ZDHHC14: variants seen among roughly 807,000 people sequenced by gnomAD.
The protein encoded by ZDHHC14 is zDHHC palmitoyltransferase 14.
In ZDHHC14, 16 loss-of-function variants were observed where a neutral mutation model predicts 47.7. That is an observed-to-expected ratio of 0.34 (90% CI 0.23 to 0.51). The LOEUF is 0.51. Ranked by LOEUF, ZDHHC14 falls within the 20% of genes least tolerant of loss-of-function variation. ZDHHC14 has a pLI of 0.97. For missense variants in ZDHHC14, 515 were observed against 662.5 expected, an observed-to-expected ratio of 0.78 and a Z score of 2.44; for synonymous variants, 293 against 278.9, an observed-to-expected ratio of 1.05 and a Z score of -0.50.
intron 2 of ZDHHC14, among the ~76,000 whole-genome samples, chr6:157,576,211 C>T (rs998660774): frequency 6.6e-6 from 1 of 152,164 alleles, no homozygotes; most frequent in Non-Finnish European, 1.5e-5. Flanking sequence ...GACTGGGGGC[C>T]TTGCCTTTTC....
intron 2 of ZDHHC14, among the ~76,000 whole-genome samples, chr6:157,568,703 T>C (rs896530114): frequency 1.3e-5 from 2 of 152,180 alleles, no homozygotes; most frequent in African/African-American, 4.8e-5. Context: ...GATATACAAC[T>C]AACTTGTTCC....
chr6:157,597,121 T>C (rs2114900428), intron 3 of ZDHHC14, among the ~76,000 whole-genome samples: 1 of 152,312 alleles, frequency 6.6e-6, no homozygotes, highest in South Asian at 2.1e-4. Context: ...CATTTCGGGT[T>C]GTTTATTTAT....
At chr6:157,631,947 A>T (rs1785759547) in intron 4 of ZDHHC14, 1 of 152,264 alleles carries the variant, frequency 6.6e-6, no homozygotes. Context: ...CCGTGGGCAC[A>T]GAGGGAAAGG....
At chr6:157,638,538 G>A (rs1053835035) in intron 5 of ZDHHC14, among the ~76,000 whole-genome samples, 20 of 152,130 alleles carry the variant, frequency 1.3e-4, no homozygotes, top group African/African-American at 4.6e-4. Context: ...ACACAGCCAG[G>A]CATGTTCAAA....
At chr6:157,442,823 C>A (rs1430926616) in intron 1 of ZDHHC14, among the ~76,000 whole-genome samples, 1 of 152,176 alleles carries the variant, frequency 6.6e-6, no homozygotes, top group Non-Finnish European at 1.5e-5. Context: ...TTGCAGCACC[C>A]CTGGTGGATT....
rs750975822 is a variant in ZDHHC14, at chr6:157,458,849, A to ATTTTTTTTTTTTTTTTTTTTT, written c.245+76585_245+76605dup. Among the ~76,000 whole-genome samples, 425 of 81,186 alleles carry ATTTTTTTTTTTTTTTTTTTTT rather than the reference A, an allele frequency of 5.2e-3. 71 individuals carry two copies. Among genetic ancestry groups the ATTTTTTTTTTTTTTTTTTTTT allele is most frequent in the Non-Finnish European group, 7.3e-3 (320 of 43,628 alleles). The allele number at this position is 81,186 out of a possible 152,430, so 53.3% of individuals were successfully genotyped here. A position where few individuals can be genotyped will look rare whatever the true frequency, so the allele number is the denominator to read the frequency against. On this transcript the variant is annotated intron_variant, in intron 1 of 8. Coordinates refer to ENST00000359775, the MANE Select transcript of ZDHHC14 (RefSeq NM_024630.3). ...TACAGGTACTAGCAAATGTGGGTGG[A>ATTTTTTTTTTTTTTTTTTTTT]TTTTTTTTTTTTTTTTTTTTTTGAG...
intron 1 of ZDHHC14, among the ~76,000 whole-genome samples, chr6:157,539,796 G>A (rs1781679190): frequency 6.6e-6 from 1 of 152,030 alleles, no homozygotes; most frequent in Admixed American, 6.5e-5. Context: ...CTGGCGAGCT[G>A]GGGTAGTGGA....
intron 3 of ZDHHC14, among the ~76,000 whole-genome samples, chr6:157,607,237 T>C (rs947831789): frequency 6.6e-6 from 1 of 152,196 alleles, no homozygotes; most frequent in African/African-American, 2.4e-5. Context: ...TGGTTCACTC[T>C]TGTTGAGGCT....
At chr6:157,534,078 T>A (rs148584478) in intron 1 of ZDHHC14, among the ~76,000 whole-genome samples, 4 of 152,182 alleles carry the variant, frequency 2.6e-5, no homozygotes, top group Non-Finnish European at 5.9e-5. Flanking sequence ...GACTTTCCTA[T>A]ACAGAGTTTC....
chr6:157,382,196 C>G lies in ZDHHC14; in HGVS notation c.175C>G (p.Arg59Gly). 1 of 1,613,678 alleles carries G rather than the reference C, an allele frequency of 6.2e-7. No homozygotes were observed. Among genetic ancestry groups the G allele is most frequent in the Non-Finnish European group, 8.5e-7 (1 of 1,179,872 alleles). ...FFCNGRIMMA[R>G]QTGVFYLTLV... ...CTGTAACGGGAGGATCATGATGGCCCGGCAGACGGGCGTCTTCTACCTGAC... is the reference window on the plus strand; with the variant it reads ...CTGTAACGGGAGGATCATGATGGCCGGGCAGACGGGCGTCTTCTACCTGAC... The change falls in exon 1 of 9, where the codon CGG (arginine) becomes GGG (glycine). Residue 59 changes from arginine to glycine, a missense_variant. By Grantham distance (125) the Arg-to-Gly change is moderately radical. Coordinates refer to ENST00000359775, the MANE Select transcript of ZDHHC14 (RefSeq NM_024630.3).
Position 157,464,895 on chromosome 6 carries a change from GC to G in ZDHHC14, c.246-77688del, listed in dbSNP as rs1304793593. ...CTGTGACCAGAGCAGCTCAGGGCGG[GC>G]CAGCTGTGGCTTCGTCGCAGCAGGG... On this transcript the variant is annotated intron_variant, in intron 1 of 8. Coordinates refer to ENST00000359775, the MANE Select transcript of ZDHHC14 (RefSeq NM_024630.3). Among the ~76,000 whole-genome samples, 144 of 152,296 alleles carry G rather than the reference GC, an allele frequency of 9.5e-4. 3 individuals are homozygous for G. Among genetic ancestry groups the G allele is most frequent in the African/African-American group, 3.3e-3 (138 of 41,558 alleles).
intron 1 of ZDHHC14, among the ~76,000 whole-genome samples, chr6:157,536,448 A>G (rs980993940): frequency 1.3e-5 from 2 of 152,166 alleles, no homozygotes; most frequent in African/African-American, 4.8e-5. Flanking sequence ...AAGATTCTCT[A>G]CTTCTTGTTC....
intron 1 of ZDHHC14, among the ~76,000 whole-genome samples, chr6:157,516,313 G>A (rs1780691344): frequency 1.3e-5 from 2 of 152,180 alleles, no homozygotes; most frequent in South Asian, 4.1e-4. Context: ...TCCGTATATA[G>A]CATTGTGATA....
chr6:157,639,226 C>T (rs957015656), intron 5 of ZDHHC14, among the ~76,000 whole-genome samples: 1 of 152,226 alleles, frequency 6.6e-6, no homozygotes, highest in East Asian at 1.9e-4. Flanking sequence ...GGGGTGAGGT[C>T]CCTTCATCCC....
At chr6:157,390,667 T>A (rs1777403848) in intron 1 of ZDHHC14, among the ~76,000 whole-genome samples, 1 of 152,202 alleles carries the variant, frequency 6.6e-6, no homozygotes, top group Non-Finnish European at 1.5e-5. Context: ...TAAGCCAATT[T>A]TGATATCTAA....
intron 3 of ZDHHC14, among the ~76,000 whole-genome samples, chr6:157,626,890 T>TGGGGGGGGGGGG (rs113464326): frequency 7.4e-6 from 1 of 135,284 alleles, no homozygotes; most frequent in African/African-American, 2.7e-5. Context: ...CTTTTCCAGC[T>TGGGGGGGGGGGG]GGGGGGGGGG....
chr6:157,546,824 T>C (rs757965447), intron 2 of ZDHHC14, among the ~76,000 whole-genome samples: 1 of 152,206 alleles, frequency 6.6e-6, no homozygotes, highest in Non-Finnish European at 1.5e-5. Flanking sequence ...TAGGGGAAAG[T>C]ATTTCACATT....
intron 8 of ZDHHC14, among the ~76,000 whole-genome samples, chr6:157,657,464 C>T (rs778526621): frequency 6.6e-6 from 1 of 152,122 alleles, no homozygotes; most frequent in African/African-American, 2.4e-5. Flanking sequence ...GGGAGCTGTT[C>T]GGTACAAAAA....
rs560377037 is a variant in ZDHHC14 at position 157,440,426 on chromosome 6, A to G, written c.245+58160A>G. The stretch of plus-strand genomic sequence containing the variant: ...AACATACAAGTGTTTATGAGGACAT[A>G]GAGAAACTAGAAACCTTGTACATTG... On this transcript the variant is annotated intron_variant, in intron 1 of 8. Transcript: ENST00000359775. Among the ~76,000 whole-genome samples the G allele has an allele frequency of 5.3e-5, 8 of 152,328 alleles. No homozygotes were observed. In the South Asian group the frequency reaches 1.7e-3, roughly 32 times the overall value.
Sources: gnomAD v4.1 joint callset for allele counts (sites outside exome capture counted in the v4.1 genomes callset) on GRCh38, gnomAD v4.1.1 for gene constraint, MANE v1.5 for transcripts, NCBI Gene and HGNC (gene_info 2026-07-23, HGNC 2026-07-21) for gene names.